LAMA1: variants seen among roughly 807,000 people sequenced by gnomAD.
LAMA1 encodes the protein laminin subunit alpha-1.
LAMA1 carries 219 observed loss-of-function variants against 348.7 expected under a neutral mutation model. The observed-to-expected ratio is 0.63, with a 90% CI of 0.56 to 0.70. LAMA1 has a LOEUF of 0.70. Among genes scored for constraint, LAMA1 ranks in the 30% least tolerant of loss-of-function variants. The probability of loss-of-function intolerance (pLI) is 0.00; values close to 1 mark genes in which losing one functional copy is unlikely to be tolerated. For synonymous variants in LAMA1, 1,487 were observed against 1,491.0 expected, an observed-to-expected ratio of 1.00 and a Z score of 0.06; for missense variants, 3,744 against 3,888.0, an observed-to-expected ratio of 0.96 and a Z score of 0.99.
Position 6,942,047 on chromosome 18 carries a change from C to G in LAMA1, c.*32G>C. On this transcript the variant is annotated 3_prime_UTR_variant, in exon 63 of 63. Coordinates refer to ENST00000389658, the MANE Select transcript of LAMA1 (RefSeq NM_005559.4). ...CATACACTTCTCCTCAAAATATTAG[C>G]AATGATTCCAACTGAGGATTCTGCT... is the stretch of plus-strand genomic sequence containing the variant. 6.2e-7 allele frequency: 1 copy of G among 1,612,572 alleles called. No individual in the cohort carries two copies. The highest frequency in any genetic ancestry group is 8.5e-7 in the Non-Finnish European group (1 of 1,178,826).
Position 7,014,010 on chromosome 18 carries a change from G to A in LAMA1, c.3168C>T (p.Cys1056=), listed in dbSNP as rs147111783. 92 of 1,613,834 alleles carry A rather than the reference G, an allele frequency of 5.7e-5. No individual in the cohort carries two copies. The African/African-American group carries it at 8.8e-4, about 15-fold the overall frequency. Residue 1056 remains cysteine (C), a synonymous_variant, in exon 23 of 63, where the codon TGC becomes TGT. Coordinates refer to ENST00000389658, the MANE Select transcript of LAMA1 (RefSeq NM_005559.4). ...CSLVGSTHHR[C]DVVTGHCQCK... is the part of the protein sequence containing the mutation. Reference sequence around the variant, plus strand: ...ACTGGCAATGGCCGGTGACCACATCGCACCGATGATGAGTCGACCCCACGA... The same window carrying A: ...ACTGGCAATGGCCGGTGACCACATCACACCGATGATGAGTCGACCCCACGA...
chr18:6,946,490 C>T (rs1394441736), intron 61 of LAMA1, among the ~76,000 whole-genome samples: 2 of 151,944 alleles, frequency 1.3e-5, no homozygotes, highest in African/African-American at 2.4e-5. Flanking sequence ...GGAGGCGAGG[C>T]GGGCGGATCA....
chr18:6,958,795 T>C, intron 54 of LAMA1, 133 bp from the exon 55 acceptor site: 2 of 728,280 alleles, frequency 2.7e-6, no homozygotes, highest in South Asian at 3.5e-5. Flanking sequence ...AACAAGACAC[T>C]GTCTGTGACC....
At chr18:7,040,863 C>T (rs1217148602) in intron 9 of LAMA1, among the ~76,000 whole-genome samples, 1 of 152,094 alleles carries the variant, frequency 6.6e-6, no homozygotes, top group Admixed American at 6.5e-5. Context: ...ACCTTGAAAA[C>T]ATTATACTAA....
At chr18:7,018,110 C>A (rs1396189051) in intron 19 of LAMA1, among the ~76,000 whole-genome samples, 1 of 151,804 alleles carries the variant, frequency 6.6e-6, no homozygotes, top group African/African-American at 2.4e-5. Flanking sequence ...ACAAGGAAGG[C>A]GGATCACCTG....
intron 11 of LAMA1, among the ~76,000 whole-genome samples, chr18:7,038,372 C>G (rs938082446): frequency 6.6e-6 from 1 of 152,142 alleles, no homozygotes; most frequent in Non-Finnish European, 1.5e-5. Context: ...GCCTGCATTC[C>G]TAAACCCTGC....
Position 7,007,164 on chromosome 18 carries a change from C to T in LAMA1, c.4235G>A (p.Cys1412Tyr), listed in dbSNP as rs760299140. The part of the protein sequence containing the change: ...PCSCNNHSDT[C>Y]DPNTGKCLNC... ...CAGACACTTCCCGGTGTTGGGGTCACAGGTGTCACTGTGGTTGTTGCAACT... is the reference window on the plus strand; with the variant it reads ...CAGACACTTCCCGGTGTTGGGGTCATAGGTGTCACTGTGGTTGTTGCAACT... Residue 1412 changes from cysteine to tyrosine, a missense_variant, in exon 29 of 63, where the codon TGT becomes TAT. Physicochemically the swap from Cys to Tyr is radical, Grantham distance 194. Coordinates refer to ENST00000389658, the MANE Select transcript of LAMA1 (RefSeq NM_005559.4). The T allele has an allele frequency of 3.7e-6, 6 of 1,614,052 alleles. No individual in the cohort carries two copies. The highest frequency in any genetic ancestry group is 4.2e-6 in the Non-Finnish European group (5 of 1,180,046).
In LAMA1 at chr18:7,109,008, G is replaced by C. The variant is rs573880066; in HGVS notation, c.61+8652C>G. Among the ~76,000 whole-genome samples the C allele has an allele frequency of 3.5e-4, 53 of 152,302 alleles. 1 individual carries two copies. In the South Asian group the frequency reaches 0.011, roughly 30 times the overall value. ...CAACTATTTGAACCAGAAACCCAAAGGGTCTGCTTGAAGACCAACTGGAAA... is the reference window on the plus strand; with the variant it reads ...CAACTATTTGAACCAGAAACCCAAACGGTCTGCTTGAAGACCAACTGGAAA... On this transcript the variant is annotated intron_variant, in intron 1 of 62. Transcript: ENST00000389658.
intron 3 of LAMA1, among the ~76,000 whole-genome samples, chr18:7,078,373 A>G (rs1227124673): frequency 6.6e-5 from 10 of 151,450 alleles, no homozygotes; most frequent in Admixed American, 3.3e-4. Flanking sequence ...TCACCGTGTT[A>G]GCCAGGATGG....
intron 16 of LAMA1, among the ~76,000 whole-genome samples, chr18:7,029,730 A>G (rs1000175316): frequency 6.6e-6 from 1 of 152,182 alleles, no homozygotes; most frequent in Admixed American, 6.5e-5. Flanking sequence ...TGCACAATTT[A>G]CTGTGATGCC....
At chr18:6,962,565 G>A (rs1362795568) in intron 51 of LAMA1, among the ~76,000 whole-genome samples, 3 of 152,148 alleles carry the variant, frequency 2.0e-5, no homozygotes, top group Non-Finnish European at 4.4e-5. Context: ...ACTCTCCTTA[G>A]GACTAGAGAA....
chr18:7,073,574 G>C (rs1439489642), intron 3 of LAMA1, among the ~76,000 whole-genome samples: 2 of 152,084 alleles, frequency 1.3e-5, no homozygotes, highest in African/African-American at 4.8e-5. Context: ...ACATGCTGTG[G>C]TATGTGTCAA....
chr18:6,951,720 G>C (rs371914946), intron 57 of LAMA1, among the ~76,000 whole-genome samples: 1 of 152,206 alleles, frequency 6.6e-6, no homozygotes, highest in Non-Finnish European at 1.5e-5. Flanking sequence ...AGGGAGTCGG[G>C]TGGCTTAGAC....
At chr18:7,016,460 C>T (rs374697817) in intron 21 of LAMA1, 31 bp downstream of exon 21, 1 of 1,613,898 alleles carries the variant, frequency 6.2e-7, no homozygotes, top group South Asian at 1.1e-5. Context: ...GGAATGACTA[C>T]AAAGTCTCAA....
At chr18:6,949,497 CAT>C (rs1439418542) in intron 58 of LAMA1, among the ~76,000 whole-genome samples, 1 of 152,164 alleles carries the variant, frequency 6.6e-6, no homozygotes, top group Non-Finnish European at 1.5e-5. Flanking sequence ...AGAAATCTGA[CAT>C]AGAAAAATGA....
At position 7,117,737 on chromosome 18, in the gene LAMA1, C is replaced by G. The variant is rs772860771; in HGVS notation, c.-17G>C. On this transcript the variant is annotated 5_prime_UTR_variant, in exon 1 of 63. Transcript: ENST00000389658. ...CCCGCGCATCTCGCCTCCGCCGCCA[C>G]TCGGTGGGTCTGGGGAGAAAGCCGC... 6.3e-7 allele frequency: 1 copy of G among 1,594,956 alleles called. No homozygotes were observed. The highest frequency in any genetic ancestry group is 2.2e-5 in the East Asian group (1 of 44,612).
At chr18:7,109,906 G>A (rs908781698) in intron 1 of LAMA1, among the ~76,000 whole-genome samples, 7 of 152,178 alleles carry the variant, frequency 4.6e-5, no homozygotes, top group Non-Finnish European at 7.3e-5. Flanking sequence ...CCGGCTGGCC[G>A]GGTGCGGTGG....
chr18:7,102,859 T>C (rs1175925400), intron 1 of LAMA1, among the ~76,000 whole-genome samples: 2 of 152,212 alleles, frequency 1.3e-5, no homozygotes, highest in Non-Finnish European at 2.9e-5. Context: ...TTGAGTATAA[T>C]GTAAGTTTTA....
rs777716936 is a variant in LAMA1 at position 7,016,657 on chromosome 18, C to G, written c.2823G>C (p.Gly941=). The G allele has an allele frequency of 1.9e-5, 30 of 1,612,948 alleles. No homozygotes were observed. Among genetic ancestry groups the G allele is most frequent in the Non-Finnish European group, 2.4e-5 (28 of 1,179,632 alleles). ...GCCGGCAGCCATGGCCTGAGTCCAG[C>G]CCATAATAGCCATGCTGTTTCACCA... ...QCDQCLHGYY[G]LDSGHGCRPC... The change falls in exon 21 of 63, where the codon GGG becomes GGC. Residue 941 remains glycine (G), a synonymous_variant. Coordinates refer to ENST00000389658, the MANE Select transcript of LAMA1 (RefSeq NM_005559.4).
Sources: gnomAD v4.1 joint callset for allele counts (sites outside exome capture counted in the v4.1 genomes callset) on GRCh38, gnomAD v4.1.1 for gene constraint, MANE v1.5 for transcripts, NCBI Gene and HGNC (gene_info 2026-07-23, HGNC 2026-07-21) for gene names.